PLEKHA7: variants seen among roughly 807,000 people sequenced by gnomAD.
PLEKHA7 encodes pleckstrin homology domain-containing family A member 7.
Under a neutral mutation model 170.0 loss-of-function variants are expected in PLEKHA7, and 104 were observed. The ratio of observed to expected loss-of-function variants is 0.61; its 90% CI spans 0.52 to 0.72. PLEKHA7 has a LOEUF of 0.72. Among genes scored for constraint, PLEKHA7 ranks in the 30% least tolerant of loss-of-function variants. PLEKHA7 has a pLI of 0.00. For missense variants in PLEKHA7, 1,615 were observed against 1,671.7 expected (o/e 0.97, Z 0.59); for synonymous variants, 648 against 660.8 (o/e 0.98, Z 0.30).
At chr11:16,972,741 G>GCC (rs1372331120) in intron 3 of PLEKHA7, among the ~76,000 whole-genome samples, 2 of 152,064 alleles carry the variant, frequency 1.3e-5, no homozygotes, top group African/African-American at 4.8e-5. Flanking sequence ...TTAAAATCTT[G>GCC]CCTCCTTCTT....
chr11:16,894,922 C>T (rs1229831798), intron 3 of PLEKHA7, among the ~76,000 whole-genome samples: 3 of 152,110 alleles, frequency 2.0e-5, no homozygotes, highest in Admixed American at 6.5e-5. Context: ...TATCTCATAT[C>T]GTATTACCAT....
chr11:16,931,238 C>T (rs1182965375), intron 3 of PLEKHA7, among the ~76,000 whole-genome samples: 1 of 152,074 alleles, frequency 6.6e-6, no homozygotes, highest in African/African-American at 2.4e-5. Context: ...GGCGCACCAC[C>T]AGAGAATTGA....
At chr11:16,833,816 G>A (rs1209057195) in intron 9 of PLEKHA7, among the ~76,000 whole-genome samples, 8 of 152,216 alleles carry the variant, frequency 5.3e-5, no homozygotes, top group African/African-American at 1.7e-4. Context: ...GCAAAACTCT[G>A]AGCTAAGCAC....
chr11:16,851,133 A>G (rs1051202472), intron 8 of PLEKHA7, 58 bp downstream of exon 8: 2 of 1,373,406 alleles, frequency 1.5e-6, no homozygotes, highest in African/African-American at 1.5e-5. Context: ...TTATGAAGAC[A>G]TTTTGAGAAC....
chr11:16,848,431 C>T (rs1261907207), intron 8 of PLEKHA7, among the ~76,000 whole-genome samples: 1 of 152,092 alleles, frequency 6.6e-6, no homozygotes, highest in Non-Finnish European at 1.5e-5. Context: ...ATCAACAGTT[C>T]GATAAATCCT....
At position 16,966,689 on chromosome 11, in the gene PLEKHA7, A is replaced by AT. The variant is rs61247613; in HGVS notation, c.221+47299dup. Among the ~76,000 whole-genome samples, 557 of 147,084 alleles carry AT rather than the reference A, an allele frequency of 3.8e-3. 2 individuals are homozygous for AT. The highest frequency in any genetic ancestry group is 0.011 in the Middle Eastern group (3 of 284). On this transcript the variant is annotated intron_variant, in intron 3 of 26. Transcript: ENST00000531066. ...CCGTTTCCTTAAATTTTCCATTCGG[A>AT]TTTTTTTTTTTTTAACCTTTTCTCT...
At chr11:16,801,098 C>T (rs72864009) in intron 16 of PLEKHA7, 23 bp from the exon 17 acceptor site, 32,771 of 1,601,904 alleles carry the variant, frequency 0.02, 412 homozygotes, top group Non-Finnish European at 0.025. Flanking sequence ...ACAATGCTTC[C>T]GGTTCTTAGT....
chr11:17,005,815 C>A (rs1345729780), intron 3 of PLEKHA7, among the ~76,000 whole-genome samples: 2 of 152,168 alleles, frequency 1.3e-5, no homozygotes, highest in Non-Finnish European at 2.9e-5. Context: ...TTTTCCTTTC[C>A]CACAGAACCT....
At chr11:16,905,688 G>A (rs998914850) in intron 3 of PLEKHA7, among the ~76,000 whole-genome samples, 2 of 152,176 alleles carry the variant, frequency 1.3e-5, no homozygotes, top group African/African-American at 4.8e-5. Flanking sequence ...TTTTTCAACT[G>A]TCTCTGTATT....
intron 3 of PLEKHA7, among the ~76,000 whole-genome samples, chr11:16,943,832 G>A (rs1264008874): frequency 6.6e-6 from 1 of 152,128 alleles, no homozygotes; most frequent in Non-Finnish European, 1.5e-5. Flanking sequence ...CCCAGGGCTT[G>A]GCCTCAGAGT....
chr11:16,945,064 G>A (rs1173347476), intron 3 of PLEKHA7, among the ~76,000 whole-genome samples: 2 of 152,130 alleles, frequency 1.3e-5, no homozygotes, highest in Non-Finnish European at 2.9e-5. Flanking sequence ...AGCCTCCCGA[G>A]TAGCTGCGTT....
chr11:16,979,061 G>A (rs1019854856), intron 3 of PLEKHA7, among the ~76,000 whole-genome samples: 5 of 152,144 alleles, frequency 3.3e-5, no homozygotes, highest in South Asian at 2.1e-4. Flanking sequence ...TTTTTGAGAC[G>A]CAGTCTTGTT....
intron 3 of PLEKHA7, among the ~76,000 whole-genome samples, chr11:16,990,294 A>AAAACAAAAAAC (rs1554992490): frequency 3.4e-5 from 5 of 148,828 alleles, no homozygotes; most frequent in African/African-American, 1.2e-4. Context: ...AAAAAAAAAA[A>AAAACAAAAAAC]AAAAACTTCT....
intron 3 of PLEKHA7, among the ~76,000 whole-genome samples, chr11:16,969,173 C>G (rs1472609004): frequency 1.3e-5 from 2 of 152,146 alleles, no homozygotes; most frequent in Non-Finnish European, 2.9e-5. Flanking sequence ...CCCCGCCACT[C>G]CCAAATGTCA....
chr11:16,932,731 T>C (rs1007145919), intron 3 of PLEKHA7, among the ~76,000 whole-genome samples: 1 of 152,230 alleles, frequency 6.6e-6, no homozygotes, highest in African/African-American at 2.4e-5. Context: ...ACATGTGCTA[T>C]GAAGAAACCA....
At position 16,795,295 on chromosome 11, in the gene PLEKHA7, G is replaced by T. The variant is rs1027393158; in HGVS notation, c.2410-277C>A. The T allele has an allele frequency of 4.9e-5, 20 of 412,362 alleles. No homozygotes were observed. The Admixed American group carries it at 5.7e-4, about 12-fold the overall frequency. The allele number at this position is 412,362 out of a possible 1,614,324, so 25.5% of individuals were successfully genotyped here. ...ACTGCCGTAAACACTGTGCCATTCC[G>T]CTAAAATACTGTATGACATACTTAG... On this transcript the variant is annotated intron_variant, in intron 17 of 26. Coordinates refer to ENST00000531066, the MANE Select transcript of PLEKHA7 (RefSeq NM_001329630.2).
chr11:16,876,407 G>A (rs1302039958), intron 3 of PLEKHA7, among the ~76,000 whole-genome samples: 1 of 152,114 alleles, frequency 6.6e-6, no homozygotes, highest in Non-Finnish European at 1.5e-5. Context: ...ACACAAGCTA[G>A]CCTCCATTTT....
chr11:16,788,795 C>A (rs1328738723), intron 23 of PLEKHA7: 11 of 488,790 alleles, frequency 2.3e-5, no homozygotes, highest in Non-Finnish European at 3.3e-5. Context: ...GTCCTGAATT[C>A]AGCCGAGATT....
chr11:16,937,835 C>A (rs1189832401), intron 3 of PLEKHA7, among the ~76,000 whole-genome samples: 2 of 151,946 alleles, frequency 1.3e-5, no homozygotes, highest in Non-Finnish European at 2.9e-5. Context: ...CTTGAACTCC[C>A]GACCTCAGGT....
Sources: allele counts gnomAD v4.1 joint callset (sites outside exome capture counted in the v4.1 genomes callset), GRCh38; gene constraint gnomAD v4.1.1; transcripts MANE v1.5; gene names NCBI Gene and HGNC (gene_info 2026-07-23, HGNC 2026-07-21).